SLC6A8: variants seen among roughly 807,000 people sequenced by gnomAD.
SLC6A8 encodes solute carrier family 6 member 8.
In SLC6A8, 6 loss-of-function variants were observed where a neutral mutation model predicts 48.3. That is an observed-to-expected ratio of 0.12 (90% CI 0.07 to 0.25). SLC6A8 has a LOEUF of 0.25. Ranked by LOEUF, SLC6A8 falls within the 10% of genes least tolerant of loss-of-function variation. SLC6A8 has a pLI of 1.00. For missense variants in SLC6A8, 260 were observed against 551.5 expected (o/e 0.47, Z 5.29); for synonymous variants, 245 against 244.0 (o/e 1.00, Z -0.04).
rs782433720 is a variant in SLC6A8, at chrX:153,691,561, C to T, written c.644+8C>T. 3.2e-5 allele frequency: 39 copies of T among 1,210,131 alleles called. No homozygotes were observed. In the Admixed American group the frequency reaches 6.5e-4, roughly 20 times the overall value. On this transcript the variant is annotated splice_region_variant and intron_variant, in intron 3 of 12. Coordinates refer to ENST00000253122, the MANE Select transcript of SLC6A8 (RefSeq NM_005629.4). ...TGTCATCGAGTTCTGGGAGTGAGTC[C>T]GGCACCTCTGGGCCAAGCCCATCCC...
chrX:153,690,625 G>A (rs1190757245), intron 2 of SLC6A8, 119 bp downstream of exon 2: 9 of 826,384 alleles, frequency 1.1e-5, no homozygotes, highest in African/African-American at 4.1e-5. Flanking sequence ...TCCCAGTCTC[G>A]AGGGGGGAGC....
intron 2 of SLC6A8, 103 bp downstream of exon 2, chrX:153,690,609 A>C: frequency 1.1e-6 from 1 of 916,049 alleles, no homozygotes; most frequent in Non-Finnish European, 1.5e-6. Context: ...GGGCCACGTG[A>C]TGGCGTCCCA....
At chrX:153,690,716 A>C in intron 2 of SLC6A8, 1 of 443,993 alleles carries the variant, frequency 2.3e-6, no homozygotes, top group Admixed American at 3.3e-5. Context: ...CAAGGCAAGG[A>C]CAGGCCAGGC....
chrX:153,692,698 C>T (rs1480473714), intron 4 of SLC6A8: 2 of 371,245 alleles, frequency 5.4e-6, no homozygotes, highest in Non-Finnish European at 5.1e-6. Flanking sequence ...CCGCTCCCTG[C>T]CTGGGCCTCC....
At chrX:153,689,000 C>A (rs1245551967) in intron 1 of SLC6A8, 164 bp downstream of exon 1, 5 of 152,451 alleles carry the variant, frequency 3.3e-5, no homozygotes, top group Non-Finnish European at 6.1e-5. Context: ...GTGGCCGGGC[C>A]GGGCGCCTCC....
Position 153,696,009 on chromosome X carries a change from C to A in SLC6A8, c.*795C>A, listed in dbSNP as rs1455715558. The A allele has an allele frequency of 1.6e-5, 2 of 127,556 alleles. No homozygotes were observed. Among genetic ancestry groups the A allele is most frequent in the African/African-American group, 6.4e-5 (2 of 31,290 alleles). The allele number at this position is 127,556 out of a possible 1,213,427, so 10.5% of individuals were successfully genotyped here. ...AGGAGCCCAAACCATCCTCTCCTTA[C>A]CACTCCCATCCCTGTGAGCCCTACC... On this transcript the variant is annotated 3_prime_UTR_variant, in exon 13 of 13. Transcript: ENST00000253122.
rs1557044161 is a variant in SLC6A8 at position 153,690,362 on chromosome X, C to T, written c.263-13C>T. On this transcript the variant is annotated splice_polypyrimidine_tract_variant and intron_variant, in intron 1 of 12. Transcript: ENST00000253122. ...GGGGCCACCCTGAGTCCACGCTGTG[C>T]CTCCACCCCCAGGTGTGTTCCTTAT... 4 of 1,192,284 alleles carry T rather than the reference C, an allele frequency of 3.4e-6. No individual in the cohort carries two copies. The highest frequency in any genetic ancestry group is 4.5e-6 in the Non-Finnish European group (4 of 884,831).
In SLC6A8 at chrX:153,693,409, C is replaced by T. The variant is rs782787530; in HGVS notation, c.1016+43C>T. On this transcript the variant is annotated intron_variant, in intron 6 of 12. Coordinates refer to ENST00000253122, the MANE Select transcript of SLC6A8 (RefSeq NM_005629.4). ...GCCACCCGTGCCCTGTCCTGCCCTG[C>T]CCCGCCCTGCCCAGCAGCCTAACCC... 1.2e-5 allele frequency: 15 copies of T among 1,207,304 alleles called. No individual in the cohort carries two copies. The South Asian group carries it at 2.6e-4, about 21-fold the overall frequency.
chrX:153,694,600 G>C lies in SLC6A8; in HGVS notation c.1563G>C (p.Trp521Cys), dbSNP rs1557045566. 8.3e-7 allele frequency: 1 copy of C among 1,208,114 alleles called. No individual in the cohort carries two copies. Among genetic ancestry groups the C allele is most frequent in the African/African-American group, 1.7e-5 (1 of 57,194 alleles). ...IGYRPCPWMK[W>C]CWSFFTPLVC... Reference sequence around the variant, plus strand: ...ACCGACCTTGCCCCTGGATGAAATGGTGCTGGTCCTTCTTCACCCCGCTGG... The same window carrying C: ...ACCGACCTTGCCCCTGGATGAAATGCTGCTGGTCCTTCTTCACCCCGCTGG... The change falls in exon 11 of 13, where the codon TGG becomes TGC. Residue 521 changes from tryptophan (W) to cysteine (C), a missense_variant. Physicochemically the swap from Trp to Cys is radical, Grantham distance 215. Coordinates refer to ENST00000253122, the MANE Select transcript of SLC6A8 (RefSeq NM_005629.4).
In SLC6A8 at chrX:153,694,071, C is replaced by T. The variant is rs781912856; in HGVS notation, c.1254+54C>T. On this transcript the variant is annotated intron_variant, in intron 8 of 12. Coordinates refer to ENST00000253122, the MANE Select transcript of SLC6A8 (RefSeq NM_005629.4). ...CAGGAGGGGGGCGGAGGGAGGGCTG[C>T]AGGCAAGGAAAGGGGTGGAGGGCGG... 316 of 1,198,315 alleles carry T rather than the reference C, an allele frequency of 2.6e-4. No individual in the cohort carries two copies. The African/African-American group carries it at 4.5e-3, about 17-fold the overall frequency.
intron 4 of SLC6A8, 53 bp from the exon 5 acceptor site, chrX:153,692,988 G>A (rs1557044917): frequency 4.2e-6 from 5 of 1,203,311 alleles, no homozygotes; most frequent in Non-Finnish European, 5.6e-6. Context: ...GCTGGGAGTG[G>A]GGGTGTGAGG....
intron 2 of SLC6A8, 120 bp from the exon 3 acceptor site, chrX:153,691,184 C>T: frequency 2.3e-6 from 2 of 855,055 alleles, no homozygotes; most frequent in Non-Finnish European, 1.7e-6. Flanking sequence ...AGGAGCACCA[C>T]AAACAAGGCT....
Position 153,694,425 on chromosome X carries a change from G to A in SLC6A8, c.1474G>A (p.Val492Met), listed in dbSNP as rs782478865. 18 of 1,206,871 alleles carry A rather than the reference G, an allele frequency of 1.5e-5. No homozygotes were observed. Among genetic ancestry groups the A allele is most frequent in the Middle Eastern group, 2.3e-4 (1 of 4,330 alleles). Reference protein sequence around the residue: ...TLLWQAFWECVVVAWVYGADR... With the variant: ...TLLWQAFWECMVVAWVYGADR... ...GCTCTGGCAGGCCTTTTGGGAGTGC[G>A]TGGTGGTGGCCTGGGTGTACGGTAG... Residue 492 changes from valine (V) to methionine (M), a missense_variant, in exon 10 of 13, where the codon GTG becomes ATG. By Grantham distance (21) the Val-to-Met change is conservative. This residue lies in a region of SLC6A8 where 6 missense variants were observed against 35.1 expected (regional missense o/e 0.17). Coordinates refer to ENST00000253122, the MANE Select transcript of SLC6A8 (RefSeq NM_005629.4).
At position 153,692,153 on chromosome X, in the gene SLC6A8, G is replaced by A. The variant is rs1462438183; in HGVS notation, c.777+46G>A. The A allele has an allele frequency of 3.4e-6, 4 of 1,161,947 alleles. No homozygotes were observed. The Admixed American group carries it at 9.3e-5, about 27-fold the overall frequency. On this transcript the variant is annotated intron_variant, in intron 4 of 12. Transcript: ENST00000253122. ...CGGGGAGGGTGGCTCAGCCCTGGGA[G>A]CCGGATGTCTGTGCCAGGCACACCT...
Position 153,691,562 on chromosome X carries a change from G to C in SLC6A8, c.644+9G>C, listed in dbSNP as rs200353790. ...GTCATCGAGTTCTGGGAGTGAGTCC[G>C]GCACCTCTGGGCCAAGCCCATCCCA... is the stretch of plus-strand genomic sequence containing the variant. On this transcript the variant is annotated intron_variant, in intron 3 of 12. Coordinates refer to ENST00000253122, the MANE Select transcript of SLC6A8 (RefSeq NM_005629.4). 1.6e-5 allele frequency: 19 copies of C among 1,209,866 alleles called. 1 individual carries two copies. In the African/African-American group the frequency reaches 3.3e-4, roughly 21 times the overall value.
intron 4 of SLC6A8, chrX:153,692,494 A>C (rs1557044705): frequency 2.9e-6 from 1 of 342,660 alleles, no homozygotes; most frequent in South Asian, 2.6e-5. Flanking sequence ...TGAACAAAGA[A>C]GACAGTGTCT....
intron 2 of SLC6A8, chrX:153,691,060 CAGG>C (rs1557044373): frequency 2.5e-6 from 1 of 393,013 alleles, no homozygotes; most frequent in African/African-American, 2.6e-5. Context: ...CAGATGGGGA[CAGG>C]AGGAGAGGGG....
At chrX:153,691,757 C>A (rs181553564) in intron 3 of SLC6A8, among the ~76,000 whole-genome samples, 2 of 112,925 alleles carry the variant, frequency 1.8e-5, no homozygotes, top group East Asian at 2.8e-4. Flanking sequence ...CCTGGTCACT[C>A]CCCCCTGATG....
At chrX:153,692,437 G>A (rs1557044672) in intron 4 of SLC6A8, 1 of 360,306 alleles carries the variant, frequency 2.8e-6, no homozygotes, top group African/African-American at 2.6e-5. Flanking sequence ...CCAGAGCAGA[G>A]TCTGGCCACA....
Sources: allele counts gnomAD v4.1 joint callset (sites outside exome capture counted in the v4.1 genomes callset), GRCh38; gene constraint gnomAD v4.1.1; regional missense constraint gnomAD v4.1.1; transcripts MANE v1.5; gene names NCBI Gene and HGNC (gene_info 2026-07-23, HGNC 2026-07-21).